Variants in SEMA4D observed in about 807,000 individuals in gnomAD.
SEMA4D encodes semaphorin 4D.
Under a neutral mutation model 74.8 loss-of-function variants are expected in SEMA4D, and 22 were observed. The observed-to-expected ratio is 0.29, with a 90% CI of 0.21 to 0.42. The LOEUF is 0.42. Ranked by LOEUF, SEMA4D falls within the 10% of genes least tolerant of loss-of-function variation. The probability of loss-of-function intolerance (pLI) is 1.00; values close to 1 mark genes in which losing one functional copy is unlikely to be tolerated. For missense variants in SEMA4D, 937 were observed against 1,118.4 expected (o/e 0.84, Z 2.31); for synonymous variants, 445 against 463.7 (o/e 0.96, Z 0.52).
rs764754943 is a variant in SEMA4D at position 89,387,524 on chromosome 9, G to C, written c.1192C>G (p.Pro398Ala). The change falls in exon 12 of 16, where the codon CCT becomes GCT. Residue 398 changes from proline to alanine, a missense_variant. Pro to Ala is a conservative substitution (Grantham distance 27). Transcript: ENST00000422704. ...DKTLQFVKDHPLMDDSVTPID... is the reference protein window; with the variant it reads ...DKTLQFVKDHALMDDSVTPID... ...GGGGTTACCGAGTCATCCATCAAAG[G>C]GTGGTCTTTAACGAACTGCAGCGTC... 3.1e-6 allele frequency: 5 copies of C among 1,614,204 alleles called. No homozygotes were observed. The East Asian group carries it at 6.7e-5, about 22-fold the overall frequency.
At chr9:89,375,795 T>G (rs1438924117), downstream of SEMA4D, among the ~76,000 whole-genome samples, 1 of 152,200 alleles carries the variant, frequency 6.6e-6, no homozygotes, top group African/African-American at 2.4e-5. Context: ...ATCCGAGTAT[T>G]TTCCAATCCA....
chr9:89,456,596 G>T (rs1855989750), intron 1 of SEMA4D, among the ~76,000 whole-genome samples: 1 of 152,134 alleles, frequency 6.6e-6, no homozygotes, highest in South Asian at 2.1e-4. Flanking sequence ...ATTTGGGAGA[G>T]TTTTTCTTTT....
At chr9:89,450,388 C>T (rs189119282) in intron 2 of SEMA4D, 178 of 1,118,050 alleles carry the variant, frequency 1.6e-4, no homozygotes, top group Middle Eastern at 8.9e-4. Context: ...GATGCCATGC[C>T]ATTTACTTCA....
intron 16 of SEMA4D, among the ~76,000 whole-genome samples, chr9:89,370,652 C>T (rs111162487): frequency 0.13 from 18,129 of 135,612 alleles, 1,458 homozygotes; most frequent in Admixed American, 0.22. Context: ...GGCATGTGTG[C>T]GGTATACGTC....
chr9:89,370,399 TGTG>T (rs1834384509), intron 16 of SEMA4D, among the ~76,000 whole-genome samples: 1 of 150,696 alleles, frequency 6.6e-6, no homozygotes, highest in Non-Finnish European at 1.5e-5. Flanking sequence ...ATGCGTGGCG[TGTG>T]GTGTGTGTGG....
chr9:89,446,016 C>A (rs185777310), intron 2 of SEMA4D, among the ~76,000 whole-genome samples: 1 of 152,264 alleles, frequency 6.6e-6, no homozygotes, highest in East Asian at 1.9e-4. Context: ...GTGTTCTATC[C>A]CTGCAGGTCT....
intron 8 of SEMA4D, 148 bp from the exon 9 acceptor site, chr9:89,391,563 C>T (rs1033706923): frequency 2.1e-5 from 15 of 728,242 alleles, no homozygotes; most frequent in Middle Eastern, 7.8e-4. Context: ...ACAATCCAAA[C>T]AGAAACTCCA....
intron 2 of SEMA4D, among the ~76,000 whole-genome samples, chr9:89,411,391 G>C (rs983436607): frequency 2.0e-5 from 3 of 152,156 alleles, no homozygotes; most frequent in Admixed American, 6.5e-5. Context: ...GAAAGAGAGG[G>C]AAAGGGAGGG....
At chr9:89,457,245 T>C (rs28473377) in intron 1 of SEMA4D, among the ~76,000 whole-genome samples, 22 of 152,206 alleles carry the variant, frequency 1.4e-4, no homozygotes, top group South Asian at 2.1e-4. Context: ...GCCTGACAGG[T>C]GGGGAGCAGA....
chr9:89,486,213 T>C (rs1825192535), intron 1 of SEMA4D, among the ~76,000 whole-genome samples: 1 of 152,194 alleles, frequency 6.6e-6, no homozygotes, highest in South Asian at 2.1e-4. Flanking sequence ...ATAATTATGC[T>C]GAGTGAAAGA....
At chr9:89,475,012 G>T (rs1861418850) in intron 1 of SEMA4D, among the ~76,000 whole-genome samples, 1 of 152,226 alleles carries the variant, frequency 6.6e-6, no homozygotes, top group East Asian at 1.9e-4. Context: ...CTGCCCTGCT[G>T]GCACCATGTG....
intron 1 of SEMA4D, among the ~76,000 whole-genome samples, chr9:89,465,429 G>T (rs575903011): frequency 6.6e-6 from 1 of 151,978 alleles, no homozygotes; most frequent in East Asian, 1.9e-4. Context: ...CAGAGGGGAA[G>T]TCAAAGAATC....
At chr9:89,441,490 G>C (rs1851653392) in intron 2 of SEMA4D, among the ~76,000 whole-genome samples, 1 of 152,264 alleles carries the variant, frequency 6.6e-6, no homozygotes, top group Non-Finnish European at 1.5e-5. Flanking sequence ...GCTCTGGCTG[G>C]AGATGTCGGT....
exon 19 of SEMA4D, chr9:89,361,537 G>GAGAT (rs1406839723): frequency 2.6e-5 from 4 of 152,228 alleles, no homozygotes; most frequent in African/African-American, 9.7e-5. Flanking sequence ...ACAGTCTTCA[G>GAGAT]AGATACAGCT....
In SEMA4D at chr9:89,391,950, A is replaced by G. The variant is rs985237467; in HGVS notation, c.622+473T>C. On this transcript the variant is annotated intron_variant, in intron 8 of 15. Transcript: ENST00000422704. ...ACAAGAAAAGCCCCCATGAACAGCC[A>G]CCAGCTTCTTCCTGCACATTGAAGA... Among the ~76,000 whole-genome samples, 9 of 152,278 alleles carry G rather than the reference A, an allele frequency of 5.9e-5. No homozygotes were observed. The South Asian group carries it at 1.9e-3, about 32-fold the overall frequency.
intron 2 of SEMA4D, among the ~76,000 whole-genome samples, chr9:89,412,840 T>C (rs1195556165): frequency 6.6e-6 from 1 of 152,168 alleles, no homozygotes; most frequent in Non-Finnish European, 1.5e-5. Flanking sequence ...GGTTTTTTTT[T>C]CCTTTTTCAA....
Position 89,379,420 on chromosome 9 carries a change from G to C in SEMA4D, c.1873C>G (p.Leu625Val). The change falls in exon 16 of 16, where the codon CTG becomes GTG. Residue 625 changes from leucine to valine, a missense_variant. Transcript: ENST00000422704. ...TTGTTCTTAACCCTCTCCTCTGACAGGCACTGGTACACCCCACTGTCTCCT... is the reference window on the plus strand; with the variant it reads ...TTGTTCTTAACCCTCTCCTCTGACACGCACTGGTACACCCCACTGTCTCCT... ...SEGDSGVYQC[L>V]SEERVKNKTV... is the part of the protein sequence containing the mutation. 2 of 1,614,180 alleles carry C rather than the reference G, an allele frequency of 1.2e-6. No individual in the cohort carries two copies. Among genetic ancestry groups the C allele is most frequent in the South Asian group, 2.2e-5 (2 of 91,088 alleles).
rs1436559858 is a variant in SEMA4D, at chr9:89,371,962, GTGTGGGGTGTGGTGTGTGTC to G, written c.1882+4851_1882+4870del. Among the ~76,000 whole-genome samples, 247 of 148,082 alleles carry G rather than the reference GTGTGGGGTGTGGTGTGTGTC, an allele frequency of 1.7e-3. 1 individual carries two copies. The highest frequency in any genetic ancestry group is 2.4e-3 in the Non-Finnish European group (162 of 66,482). On this transcript the variant is annotated intron_variant, in intron 16 of 18. Transcript: ENST00000339861. Reference sequence around the variant, plus strand: ...GTGTGGTGTGTGTGGGGTGTGGTGTGTGTGGGGTGTGGTGTGTGTCTGGGGTGTGGTGTGTGTCTGGGGTG... The same window carrying G: ...GTGTGGTGTGTGTGGGGTGTGGTGTGTGGGGTGTGGTGTGTGTCTGGGGTG...
Position 89,405,441 on chromosome 9 carries a change from G to C in SEMA4D, c.16C>G (p.Pro6Ala). The stretch of plus-strand genomic sequence containing the variant: ...AGGGCCATGAGCAGCCCCCTAATGG[G>C]GGTGCACATCCTCATCAGGTAGAGG... MRMCT[P>A]IRGLLMALAV... The change falls in exon 3 of 16, where the codon CCC becomes GCC. Residue 6 changes from proline (P) to alanine (A), a missense_variant. Coordinates refer to ENST00000422704, the MANE Select transcript of SEMA4D (RefSeq NM_001371194.2). 6.2e-7 allele frequency: 1 copy of C among 1,613,900 alleles called. No individual in the cohort carries two copies. Among genetic ancestry groups the C allele is most frequent in the Non-Finnish European group, 8.5e-7 (1 of 1,180,024 alleles).
Sources: gnomAD v4.1 joint callset for allele counts (sites outside exome capture counted in the v4.1 genomes callset) on GRCh38, gnomAD v4.1.1 for gene constraint, MANE v1.5 for transcripts, NCBI Gene and HGNC (gene_info 2026-07-23, HGNC 2026-07-21) for gene names.